Variants in PTPRJ observed in about 807,000 individuals in gnomAD.
The protein encoded by PTPRJ is receptor-type tyrosine-protein phosphatase eta.
PTPRJ carries 129 observed loss-of-function variants against 141.3 expected under a neutral mutation model. That is an observed-to-expected ratio of 0.91 (90% CI 0.79 to 1.06). The LOEUF (loss-of-function observed/expected upper bound fraction) is 1.06. Among genes scored for constraint, PTPRJ ranks in the 50% least tolerant of loss-of-function variants. The pLI is 0.00. For synonymous variants in PTPRJ, 610 were observed against 640.5 expected, an observed-to-expected ratio of 0.95 and a Z score of 0.72; for missense variants, 1,601 against 1,679.7, an observed-to-expected ratio of 0.95 and a Z score of 0.82.
At chr11:48,146,015 A>AT (rs1316282120) in intron 14 of PTPRJ, among the ~76,000 whole-genome samples, 1 of 151,802 alleles carries the variant, frequency 6.6e-6, no homozygotes, top group African/African-American at 2.4e-5. Flanking sequence ...TGCCTGGCTA[A>AT]TTTTTTGTAG....
chr11:48,009,394 G>A (rs1252248636), intron 1 of PTPRJ, among the ~76,000 whole-genome samples: 3 of 152,132 alleles, frequency 2.0e-5, no homozygotes, highest in Non-Finnish European at 2.9e-5. Flanking sequence ...TCAGGAGTTC[G>A]AGACCATCCT....
At chr11:48,008,906 C>T (rs569051912) in intron 1 of PTPRJ, among the ~76,000 whole-genome samples, 1 of 152,158 alleles carries the variant, frequency 6.6e-6, no homozygotes, top group South Asian at 2.1e-4. Context: ...GAGAAATCAA[C>T]CCAGTAAACA....
chr11:48,094,379 A>T (rs1855949817), intron 1 of PTPRJ, among the ~76,000 whole-genome samples: 1 of 152,246 alleles, frequency 6.6e-6, no homozygotes, highest in South Asian at 2.1e-4. Flanking sequence ...ACCAAGTACC[A>T]TAATGAGATC....
intron 1 of PTPRJ, among the ~76,000 whole-genome samples, chr11:48,052,294 C>A (rs771244674): frequency 6.6e-6 from 1 of 152,234 alleles, no homozygotes; most frequent in Non-Finnish European, 1.5e-5. Flanking sequence ...TAGATGGATG[C>A]TTTTCAGGCT....
rs1857635585 is a variant in PTPRJ at position 48,157,251 on chromosome 11, T to G, written c.3438+1132T>G. ...GTCCACCTGCCTTGGCCTCCCAAAG[T>G]GCTGGATTGCAGATGTGAGCCACCG... On this transcript the variant is annotated intron_variant, in intron 21 of 24. Coordinates refer to ENST00000418331, the MANE Select transcript of PTPRJ (RefSeq NM_002843.4). Among the ~76,000 whole-genome samples the G allele has an allele frequency of 5.3e-5, 8 of 152,324 alleles. No homozygotes were observed. In the South Asian group the frequency reaches 1.7e-3, roughly 32 times the overall value.
At position 47,980,908 on chromosome 11, in the gene PTPRJ, G is replaced by A. The variant is rs1853883574; in HGVS notation, c.-5G>A. 1.7e-6 allele frequency: 2 copies of A among 1,160,268 alleles called. No individual in the cohort carries two copies. Among genetic ancestry groups the A allele is most frequent in the East Asian group, 4.0e-5 (1 of 24,820 alleles). 71.9% of individuals were successfully genotyped at this position (1,160,268 alleles called of 1,614,324 possible). On this transcript the variant is annotated 5_prime_UTR_variant, in exon 1 of 25. Transcript: ENST00000418331. ...GTCCGGGGCACGTTCCAGGGCGCGC[G>A]GGGCATGAAGCCGGCGGCGCGGGAG...
intron 1 of PTPRJ, among the ~76,000 whole-genome samples, chr11:48,028,035 G>A (rs1853871536): frequency 6.6e-6 from 1 of 152,104 alleles, no homozygotes. Context: ...GGCATCCAGT[G>A]TTAATAGTAT....
At chr11:48,078,722 T>A (rs1855478400) in intron 1 of PTPRJ, among the ~76,000 whole-genome samples, 1 of 151,834 alleles carries the variant, frequency 6.6e-6, no homozygotes. Context: ...ATTAAATGGT[T>A]GAAAAAATCA....
chr11:48,130,030 T>G (rs1856932897), intron 7 of PTPRJ, among the ~76,000 whole-genome samples: 1 of 150,854 alleles, frequency 6.6e-6, no homozygotes, highest in Non-Finnish European at 1.5e-5. Context: ...AAAATCTGGG[T>G]GGGTATGATG....
rs61914725 is a variant in PTPRJ, at chr11:48,059,106, G to A, written c.97-50952G>A. ...ACTCCTGATCGCTCCCTACTGTGCT[G>A]TGCCTTTTTTTTTTTTTTTTTTTTT... is the stretch of plus-strand genomic sequence containing the variant. On this transcript the variant is annotated intron_variant, in intron 1 of 24. Coordinates refer to ENST00000418331, the MANE Select transcript of PTPRJ (RefSeq NM_002843.4). 1.4e-4 allele frequency among the ~76,000 whole-genome samples: 19 copies of A among 131,478 alleles called. 1 individual carries two copies. The highest frequency in any genetic ancestry group is 2.5e-4 in the Non-Finnish European group (16 of 62,946). The allele number at this position is 131,478 out of a possible 152,430, so 86.3% of individuals were successfully genotyped here.
chr11:48,013,024 G>A (rs1312955458), intron 1 of PTPRJ, among the ~76,000 whole-genome samples: 1 of 147,938 alleles, frequency 6.8e-6, no homozygotes, highest in African/African-American at 2.5e-5. Flanking sequence ...AGAATTTCTT[G>A]AACCGGGTGG....
chr11:48,091,670 A>C (rs1855868670), intron 1 of PTPRJ, among the ~76,000 whole-genome samples: 1 of 152,182 alleles, frequency 6.6e-6, no homozygotes, highest in African/African-American at 2.4e-5. Context: ...CAGGTGATTG[A>C]AAAAATTCGA....
Position 48,094,316 on chromosome 11 carries a change from G to A in PTPRJ, c.97-15742G>A, listed in dbSNP as rs142920913. On this transcript the variant is annotated intron_variant, in intron 1 of 24. Coordinates refer to ENST00000418331, the MANE Select transcript of PTPRJ (RefSeq NM_002843.4). The stretch of plus-strand genomic sequence containing the variant: ...ACCTTGCCAAAACCACCTTGCTGGA[G>A]CTTCTTATTATCTTTTTTTAGCGAA... Among the ~76,000 whole-genome samples, 124 of 152,322 alleles carry A rather than the reference G, an allele frequency of 8.1e-4. 1 individual carries two copies. The East Asian group carries it at 0.022, about 27-fold the overall frequency.
chr11:48,014,461 A>G (rs775926242), intron 1 of PTPRJ: 2 of 152,202 alleles, frequency 1.3e-5, no homozygotes, highest in Non-Finnish European at 2.9e-5. Context: ...AACCTGCTGT[A>G]GGAAATTCAT....
chr11:48,005,077 C>T (rs1590397180), intron 1 of PTPRJ, among the ~76,000 whole-genome samples: 2 of 149,394 alleles, frequency 1.3e-5, no homozygotes, highest in African/African-American at 5.1e-5. Context: ...CAAAAATTAG[C>T]CAGGCATGGT....
chr11:48,082,840 T>C (rs963790854), intron 1 of PTPRJ, among the ~76,000 whole-genome samples: 1 of 152,128 alleles, frequency 6.6e-6, no homozygotes, highest in African/African-American at 2.4e-5. Context: ...AGTTTCCTCA[T>C]GTGTAAAATA....
At chr11:48,152,762 C>T (rs553484043) in intron 18 of PTPRJ, among the ~76,000 whole-genome samples, 5 of 152,266 alleles carry the variant, frequency 3.3e-5, no homozygotes, top group African/African-American at 7.2e-5. Context: ...TTTCTGAGGG[C>T]TCTGTTCTGT....
At chr11:48,107,752 G>T (rs577612679) in intron 1 of PTPRJ, among the ~76,000 whole-genome samples, 1 of 152,150 alleles carries the variant, frequency 6.6e-6, no homozygotes, top group Non-Finnish European at 1.5e-5. Flanking sequence ...CTGGGCCTCC[G>T]TGCCCTCTGC....
intron 1 of PTPRJ, among the ~76,000 whole-genome samples, chr11:48,069,014 A>T (rs2134269912): frequency 6.6e-6 from 1 of 152,250 alleles, no homozygotes; most frequent in African/African-American, 2.4e-5. Context: ...AGAGGAAGTG[A>T]TCTTTGAATC....
Sources: allele counts gnomAD v4.1 joint callset (sites outside exome capture counted in the v4.1 genomes callset), GRCh38; gene constraint gnomAD v4.1.1; transcripts MANE v1.5; gene names NCBI Gene and HGNC (gene_info 2026-07-23, HGNC 2026-07-21).